THSD4: variants seen among roughly 807,000 people sequenced by gnomAD.
THSD4 encodes the protein thrombospondin type 1 domain containing 4.
Under a neutral mutation model 119.0 loss-of-function variants are expected in THSD4, and 69 were observed. That is an observed-to-expected ratio of 0.58 (90% CI 0.48 to 0.71). The LOEUF (loss-of-function observed/expected upper bound fraction) is 0.71, where lower values mean the gene tolerates loss of function less well. Among genes scored for constraint, THSD4 ranks in the 30% least tolerant of loss-of-function variants. The pLI, the probability that THSD4 is intolerant of heterozygous loss-of-function variation, is 0.00. For synonymous variants in THSD4, 524 were observed against 540.4 expected (o/e 0.97, Z 0.42); for missense variants, 1,393 against 1,391.1 (o/e 1.00, Z -0.02).
At chr15:71,492,523 G>A (rs1337969616) in intron 7 of THSD4, among the ~76,000 whole-genome samples, 2 of 152,070 alleles carry the variant, frequency 1.3e-5, no homozygotes, top group Admixed American at 1.3e-4. Context: ...CTAACCTCAA[G>A]TGATCCACCC....
At chr15:71,489,201 G>A (rs1295010077) in intron 7 of THSD4, among the ~76,000 whole-genome samples, 1 of 152,150 alleles carries the variant, frequency 6.6e-6, no homozygotes, top group African/African-American at 2.4e-5. Flanking sequence ...TATGATAGAG[G>A]TGTGGAGTGT....
intron 6 of THSD4, among the ~76,000 whole-genome samples, chr15:71,319,284 C>T (rs1323937303): frequency 6.6e-6 from 1 of 152,030 alleles, no homozygotes; most frequent in African/African-American, 2.4e-5. Flanking sequence ...GGTACATGTG[C>T]ACAACGTGCA....
intron 11 of THSD4, 38 bp from the exon 12 acceptor site, chr15:71,745,068 T>G: frequency 6.3e-7 from 1 of 1,599,306 alleles, no homozygotes; most frequent in Admixed American, 1.7e-5. Context: ...CTTTCCAGTG[T>G]GTGGGACTGT....
In THSD4 at chr15:71,201,331, A is replaced by G. The variant is rs1236566655; in HGVS notation, c.100-13704A>G. 2.0e-5 allele frequency among the ~76,000 whole-genome samples: 3 copies of G among 152,196 alleles called. No homozygotes were observed. The East Asian group carries it at 5.8e-4, about 29-fold the overall frequency. On this transcript the variant is annotated intron_variant, in intron 3 of 17. Transcript: ENST00000261862. ...CGACTCTCCTATGGATAAAATGAGGATGATATTGATCTCACAGGCTCAGGG... is the reference window on the plus strand; with the variant it reads ...CGACTCTCCTATGGATAAAATGAGGGTGATATTGATCTCACAGGCTCAGGG...
At chr15:71,536,747 A>G (rs1303785252) in intron 7 of THSD4, among the ~76,000 whole-genome samples, 1 of 152,172 alleles carries the variant, frequency 6.6e-6, no homozygotes, top group East Asian at 1.9e-4. Context: ...ATATATTATT[A>G]TTAATTATAG....
chr15:71,357,335 G>A (rs1333180063), intron 6 of THSD4, among the ~76,000 whole-genome samples: 1 of 152,178 alleles, frequency 6.6e-6, no homozygotes, highest in Non-Finnish European at 1.5e-5. Context: ...CCATCGCTGA[G>A]GTGTTGCTGA....
chr15:71,762,974 G>C (rs906633357), intron 15 of THSD4, among the ~76,000 whole-genome samples: 1 of 152,128 alleles, frequency 6.6e-6, no homozygotes, highest in African/African-American at 2.4e-5. Flanking sequence ...AGGAGGCTGA[G>C]GTAGGAGAAT....
intron 6 of THSD4, among the ~76,000 whole-genome samples, chr15:71,336,669 AAATTT>A (rs2045493219): frequency 6.6e-6 from 1 of 152,238 alleles, no homozygotes; most frequent in Admixed American, 6.5e-5. Flanking sequence ...CCAAATCTAA[AAATTT>A]ATCATTTCTG....
chr15:71,602,654 A>G (rs2050036732), intron 7 of THSD4, among the ~76,000 whole-genome samples: 1 of 152,058 alleles, frequency 6.6e-6, no homozygotes, highest in South Asian at 2.1e-4. Flanking sequence ...AGAGACCACT[A>G]AAACCAAGGC....
At position 71,250,283 on chromosome 15, in the gene THSD4, C is replaced by T. The variant is rs192177672; in HGVS notation, c.913-6330C>T. On this transcript the variant is annotated intron_variant, in intron 5 of 17. Transcript: ENST00000261862. ...GAAGCCAGTCTTATTAATGTGGTAC[C>T]GGAAATAGCCACTAAGAAATGTGTG... Among the ~76,000 whole-genome samples the T allele has an allele frequency of 3.1e-4, 47 of 152,234 alleles. No homozygotes were observed. In the East Asian group the frequency reaches 5.6e-3, roughly 18 times the overall value.
chr15:71,174,305 C>T (rs866766699), intron 3 of THSD4, among the ~76,000 whole-genome samples: 7 of 152,058 alleles, frequency 4.6e-5, no homozygotes, highest in African/African-American at 7.2e-5. Context: ...CGAAGCAGGG[C>T]GAGGCATTGC....
chr15:71,538,918 A>G (rs1435925540), intron 7 of THSD4, among the ~76,000 whole-genome samples: 1 of 152,160 alleles, frequency 6.6e-6, no homozygotes, highest in Non-Finnish European at 1.5e-5. Context: ...TCCTGGCCCC[A>G]CTTTAAATCC....
intron 7 of THSD4, among the ~76,000 whole-genome samples, chr15:71,568,568 C>CT (rs61430926): frequency 0.43 from 58,850 of 137,704 alleles, 12,480 homozygotes; most frequent in Middle Eastern, 0.5. Flanking sequence ...CTCTTTTTCT[C>CT]TTTTTTTTTT....
chr15:71,168,345 G>A (rs1438241551), intron 3 of THSD4, among the ~76,000 whole-genome samples: 5 of 152,198 alleles, frequency 3.3e-5, no homozygotes, highest in Non-Finnish European at 2.9e-5. Context: ...TCAACATACT[G>A]TATGCAGGAA....
At chr15:71,656,624 T>C (rs1013417123) in intron 7 of THSD4, among the ~76,000 whole-genome samples, 3 of 152,128 alleles carry the variant, frequency 2.0e-5, no homozygotes, top group Admixed American at 1.3e-4. Flanking sequence ...ATCTACTCCT[T>C]CAACAAAGCT....
chr15:71,508,581 G>A (rs2048229639), intron 7 of THSD4, among the ~76,000 whole-genome samples: 1 of 152,158 alleles, frequency 6.6e-6, no homozygotes, highest in South Asian at 2.1e-4. Flanking sequence ...GTGGGGTGTT[G>A]TGGGAGGTCA....
intron 6 of THSD4, among the ~76,000 whole-genome samples, chr15:71,409,770 C>G (rs1202894773): frequency 6.6e-6 from 1 of 152,080 alleles, no homozygotes. Context: ...GGGAAATATG[C>G]TGTATCATGT....
intron 4 of THSD4, among the ~76,000 whole-genome samples, chr15:71,224,690 C>T (rs945915068): frequency 6.6e-6 from 1 of 152,152 alleles, no homozygotes; most frequent in Non-Finnish European, 1.5e-5. Flanking sequence ...GAGGAGAAAC[C>T]GTGCCCTTCC....
At chr15:71,402,718 CA>C (rs2046553449) in intron 6 of THSD4, among the ~76,000 whole-genome samples, 1 of 152,144 alleles carries the variant, frequency 6.6e-6, no homozygotes, top group Non-Finnish European at 1.5e-5. Context: ...AGGCACAGCG[CA>C]AGCTCCAGAA....
Sources: gnomAD v4.1 joint callset for allele counts (sites outside exome capture counted in the v4.1 genomes callset) on GRCh38, gnomAD v4.1.1 for gene constraint, MANE v1.5 for transcripts, NCBI Gene and HGNC (gene_info 2026-07-23, HGNC 2026-07-21) for gene names.